Variants in RYR2 observed in about 807,000 individuals in gnomAD.
RYR2 encodes the protein ryanodine receptor 2.
A neutral mutation model predicts 601.1 loss-of-function variants in RYR2; 227 were observed. The ratio of observed to expected loss-of-function variants is 0.38; its 90% CI spans 0.34 to 0.42. RYR2 has a LOEUF of 0.42. Ranked by LOEUF, RYR2 falls within the 10% of genes least tolerant of loss-of-function variation. RYR2 has a pLI of 1.00. For missense variants in RYR2, 4,646 were observed against 6,156.5 expected (o/e 0.75, Z 8.21); for synonymous variants, 2,223 against 2,175.1 (o/e 1.02, Z -0.61).
chr1:237,071,201 T>A (rs1370970626), intron 1 of RYR2, among the ~76,000 whole-genome samples: 3 of 151,790 alleles, frequency 2.0e-5, no homozygotes, highest in East Asian at 3.9e-4. Context: ...AGTGTGCGAG[T>A]CCAGCTGAGT....
chr1:237,744,007 A>G (rs1275972560), intron 80 of RYR2, among the ~76,000 whole-genome samples: 1 of 152,170 alleles, frequency 6.6e-6, no homozygotes, highest in Non-Finnish European at 1.5e-5. Flanking sequence ...GAAAACAGAC[A>G]TGATAAATGG....
intron 6 of RYR2, among the ~76,000 whole-genome samples, chr1:237,369,833 C>T (rs1244192082): frequency 6.6e-6 from 1 of 152,050 alleles, no homozygotes; most frequent in Non-Finnish European, 1.5e-5. Context: ...TTACCATCTT[C>T]AGTATCTTAC....
At chr1:237,690,114 A>G (rs1686808817) in intron 63 of RYR2, among the ~76,000 whole-genome samples, 1 of 152,252 alleles carries the variant, frequency 6.6e-6, no homozygotes, top group Admixed American at 6.5e-5. Context: ...TGGGATTACA[A>G]GTGTGAGCCA....
At chr1:237,358,042 C>G (rs949441219) in intron 4 of RYR2, among the ~76,000 whole-genome samples, 4 of 152,120 alleles carry the variant, frequency 2.6e-5, no homozygotes, top group African/African-American at 9.7e-5. Flanking sequence ...TCTACTGTTA[C>G]AGGTAGACTT....
intron 80 of RYR2, among the ~76,000 whole-genome samples, chr1:237,751,995 C>A (rs1470569769): frequency 6.6e-6 from 1 of 152,074 alleles, no homozygotes; most frequent in African/African-American, 2.4e-5. Context: ...AAAAAGATAA[C>A]ATTTGTAATA....
rs5781964 is a variant in RYR2, at chr1:237,538,773, T to TA, written c.2906+8271dup. ...GTGACAGAGTGAGACTCCGTCACAA[T>TA]AAAAAAAATTAAAAAAAAATAAAAA... On this transcript the variant is annotated intron_variant, in intron 25 of 104. Coordinates refer to ENST00000366574, the MANE Select transcript of RYR2 (RefSeq NM_001035.3). Among the ~76,000 whole-genome samples the TA allele has an allele frequency of 8.6e-5, 13 of 151,362 alleles. 1 individual carries two copies. Among genetic ancestry groups the TA allele is most frequent in the African/African-American group, 3.2e-4 (13 of 41,108 alleles).
At chr1:237,649,392 A>G (rs1682493083) in intron 49 of RYR2, among the ~76,000 whole-genome samples, 1 of 152,204 alleles carries the variant, frequency 6.6e-6, no homozygotes, top group Admixed American at 6.5e-5. Context: ...GGACCTGGAT[A>G]GTATGGGCGA....
rs1672104473 is a variant in RYR2 at position 237,566,553 on chromosome 1, T to G, written c.3215-14T>G. On this transcript the variant is annotated splice_polypyrimidine_tract_variant and intron_variant, in intron 27 of 104. Coordinates refer to ENST00000366574, the MANE Select transcript of RYR2 (RefSeq NM_001035.3). ...CCATCCAATGACCACCAGAAATCTC[T>G]GTCCATTTCCCAGCAGCCAGAGCCG... is the stretch of plus-strand genomic sequence containing the variant. The G allele has an allele frequency of 1.9e-6, 3 of 1,610,168 alleles. No homozygotes were observed. Among genetic ancestry groups the G allele is most frequent in the Non-Finnish European group, 2.5e-6 (3 of 1,176,832 alleles).
intron 1 of RYR2, among the ~76,000 whole-genome samples, chr1:237,198,715 G>C (rs934445583): frequency 6.6e-6 from 1 of 151,930 alleles, no homozygotes; most frequent in African/African-American, 2.4e-5. Flanking sequence ...ATTCAGCAAA[G>C]GTCAGAATCT....
At chr1:237,573,597 G>C (rs1672928943) in intron 29 of RYR2, among the ~76,000 whole-genome samples, 1 of 149,822 alleles carries the variant, frequency 6.7e-6, no homozygotes, top group African/African-American at 2.4e-5. Context: ...CGGATCACAA[G>C]ATCAGGAGAT....
At chr1:237,118,487 C>T (rs1171663440) in intron 1 of RYR2, among the ~76,000 whole-genome samples, 1 of 151,786 alleles carries the variant, frequency 6.6e-6, no homozygotes, top group Non-Finnish European at 1.5e-5. Context: ...CAAGGGTAGG[C>T]TCAGTAGCTA....
chr1:237,325,548 C>A (rs571241558), intron 2 of RYR2, among the ~76,000 whole-genome samples: 1 of 151,724 alleles, frequency 6.6e-6, no homozygotes, highest in Admixed American at 6.6e-5. Flanking sequence ...TTTAGCCGGG[C>A]GTGGTGGCGG....
At chr1:237,817,646 G>A (rs1232182114) in intron 100 of RYR2, among the ~76,000 whole-genome samples, 1 of 152,198 alleles carries the variant, frequency 6.6e-6, no homozygotes, top group Non-Finnish European at 1.5e-5. Flanking sequence ...CCATGAAACT[G>A]GGAAAGGTCC....
intron 31 of RYR2, 64 bp from the exon 32 acceptor site, chr1:237,591,675 C>A: frequency 7.6e-7 from 1 of 1,316,066 alleles, no homozygotes; most frequent in Non-Finnish European, 1.1e-6. Flanking sequence ...TGATTATATG[C>A]TCATATTTGA....
intron 35 of RYR2, among the ~76,000 whole-genome samples, chr1:237,604,572 C>T (rs907932511): frequency 4.1e-4 from 63 of 151,876 alleles, no homozygotes; most frequent in African/African-American, 1.4e-3. Flanking sequence ...AACTAAGATC[C>T]GAGCAGAACT....
At chr1:237,643,032 C>T (rs183379201) in intron 47 of RYR2, among the ~76,000 whole-genome samples, 56 of 152,260 alleles carry the variant, frequency 3.7e-4, no homozygotes, top group African/African-American at 1.3e-3. Flanking sequence ...ACGTCAGATT[C>T]TCAGTATATC....
intron 40 of RYR2, among the ~76,000 whole-genome samples, chr1:237,626,473 C>T (rs548273328): frequency 1.3e-5 from 2 of 151,096 alleles, no homozygotes; most frequent in South Asian, 4.2e-4. Flanking sequence ...TTTATTCATA[C>T]AGTTACTTCT....
At chr1:237,322,825 T>C (rs941286748) in intron 2 of RYR2, among the ~76,000 whole-genome samples, 1 of 149,348 alleles carries the variant, frequency 6.7e-6, no homozygotes, top group Non-Finnish European at 1.5e-5. Context: ...CACACACGTG[T>C]GTGTGTGTGT....
chr1:237,441,607 G>A, intron 13 of RYR2, 124 bp downstream of exon 13: 1 of 807,938 alleles, frequency 1.2e-6, no homozygotes, highest in African/African-American at 1.7e-5. Context: ...GCAAGTGAAA[G>A]GGCAGATTCC....
Sources: allele counts gnomAD v4.1 joint callset (sites outside exome capture counted in the v4.1 genomes callset), GRCh38; gene constraint gnomAD v4.1.1; transcripts MANE v1.5; gene names NCBI Gene and HGNC (gene_info 2026-07-23, HGNC 2026-07-21).